BDP1: variants seen among roughly 807,000 people sequenced by gnomAD.
BDP1 encodes transcription factor TFIIIB component B'' homolog.
In BDP1, 169 loss-of-function variants were observed where a neutral mutation model predicts 266.6. The ratio of observed to expected loss-of-function variants is 0.63; its 90% confidence interval spans 0.56 to 0.72. The LOEUF is 0.72. Among genes scored for constraint, BDP1 ranks in the 30% least tolerant of loss-of-function variants. BDP1 has a pLI of 0.00. For missense variants in BDP1, 3,015 were observed against 3,053.8 expected (o/e 0.99, Z 0.30); for synonymous variants, 1,090 against 1,022.4 (o/e 1.07, Z -1.26).
At chr5:71,456,156 A>C in intron 1 of BDP1, 67 bp downstream of exon 1, 1 of 1,467,654 alleles carries the variant, frequency 6.8e-7, no homozygotes, top group Non-Finnish European at 9.3e-7. Context: ...CTGGAAGCTG[A>C]GCAAATGAAT....
rs536688204 is a variant in BDP1, at chr5:71,550,688, G to GTAA, written c.6995+1082_6995+1083insTAA. On this transcript the variant is annotated intron_variant, in intron 34 of 38. Transcript: ENST00000358731. Reference sequence around the variant, plus strand: ...AATTAAGATAATTGTCCATCGTGTAGCATTAGAAATTGAAGACTTTAATAT... The same window carrying GTAA: ...AATTAAGATAATTGTCCATCGTGTAGTAACATTAGAAATTGAAGACTTTAATAT... 5.3e-5 allele frequency among the ~76,000 whole-genome samples: 8 copies of GTAA among 152,222 alleles called. No homozygotes were observed. The South Asian group carries it at 8.3e-4, about 16-fold the overall frequency.
chr5:71,527,631 G>T (rs1765972393), intron 25 of BDP1, among the ~76,000 whole-genome samples: 1 of 152,062 alleles, frequency 6.6e-6, no homozygotes, highest in Admixed American at 6.6e-5. Flanking sequence ...ATTCCATTGT[G>T]TGTGTGTATC....
chr5:71,509,968 C>A lies in BDP1; in HGVS notation c.2876C>A (p.Ala959Glu). Residue 959 changes from alanine to glutamate, a missense_variant, in exon 17 of 39, where the codon GCA becomes GAA. Physicochemically the swap from Ala to Glu is moderately radical, Grantham distance 107. Coordinates refer to ENST00000358731, the MANE Select transcript of BDP1 (RefSeq NM_018429.3). ...GGTGAAGTGGAGACAGATTTGAAAG[C>A]AACTGGAAATGAGAGTTCCCCAAGG... ...PLGEVETDLK[A>E]TGNESSPREK... The A allele has an allele frequency of 6.2e-7, 1 of 1,613,450 alleles. No homozygotes were observed. The highest frequency in any genetic ancestry group is 8.5e-7 in the Non-Finnish European group (1 of 1,179,898).
At chr5:71,505,526 G>T (rs1397579688) in intron 16 of BDP1, among the ~76,000 whole-genome samples, 3 of 152,116 alleles carry the variant, frequency 2.0e-5, no homozygotes, top group Non-Finnish European at 4.4e-5. Flanking sequence ...TACCAAGCCA[G>T]ACTGATGGAA....
chr5:71,507,341 C>T (rs547373317), intron 16 of BDP1, among the ~76,000 whole-genome samples: 8 of 152,200 alleles, frequency 5.3e-5, no homozygotes, highest in Admixed American at 6.5e-5. Context: ...TATCTGATAT[C>T]CAGTCTCAGA....
At chr5:71,554,108 A>G (rs1743055908) in intron 35 of BDP1, among the ~76,000 whole-genome samples, 2 of 152,234 alleles carry the variant, frequency 1.3e-5, no homozygotes, top group African/African-American at 4.8e-5. Flanking sequence ...AGAGAAAGTT[A>G]AAGACCAATA....
Position 71,512,367 on chromosome 5 carries a change from A to G in BDP1, c.4186A>G (p.Thr1396Ala), listed in dbSNP as rs769627644. 3 of 1,598,128 alleles carry G rather than the reference A, an allele frequency of 1.9e-6. No individual in the cohort carries two copies. The highest frequency in any genetic ancestry group is 2.6e-6 in the Non-Finnish European group (3 of 1,175,978). Reference sequence around the variant, plus strand: ...TTCACAGACTCATGAATCTGATAAAACAGAAGTCCAGGGGATTCAATCTCC... The same window carrying G: ...TTCACAGACTCATGAATCTGATAAAGCAGAAGTCCAGGGGATTCAATCTCC... ...ISSQTHESDK[T>A]EVQGIQSPDV... Residue 1396 changes from threonine to alanine, a missense_variant, in exon 18 of 39, where the codon ACA (threonine) becomes GCA (alanine). Physicochemically the swap from Thr to Ala is moderately conservative, Grantham distance 58 (BLOSUM62 0). Around this residue, in one of 3 missense-constraint regions of BDP1, gnomAD observed 2,383 missense variants for 2,404.9 expected, o/e 0.99. Coordinates refer to ENST00000358731, the MANE Select transcript of BDP1 (RefSeq NM_018429.3).
At chr5:71,541,430 TTTG>T in intron 28 of BDP1, 21 bp from the exon 29 acceptor site, 1 of 1,084,662 alleles carries the variant, frequency 9.2e-7, no homozygotes, top group Non-Finnish European at 1.3e-6. Context: ...CCATTTTAAT[TTTG>T]TTTTTTTTTT....
chr5:71,518,887 G>T (rs965394129), intron 22 of BDP1, among the ~76,000 whole-genome samples: 1 of 137,346 alleles, frequency 7.3e-6, no homozygotes, highest in Non-Finnish European at 1.5e-5. Context: ...TGGCTTGATC[G>T]TGGCTCATTG....
Position 71,458,560 on chromosome 5 carries a change from TC to T in BDP1, c.213-18del. 2 of 1,555,324 alleles carry T rather than the reference TC, an allele frequency of 1.3e-6. No homozygotes were observed. The highest frequency in any genetic ancestry group is 1.7e-6 in the Non-Finnish European group (2 of 1,153,192). Reference sequence around the variant, plus strand: ...CAGAAGATTCATGTGCCCTCTTTTTTCTTTTTTAATTTCAACAGTACTGAAA... The same window carrying T: ...CAGAAGATTCATGTGCCCTCTTTTTTTTTTTTAATTTCAACAGTACTGAAA... On this transcript the variant is annotated intron_variant, in intron 1 of 38. Transcript: ENST00000358731.
chr5:71,469,225 A>G (rs1183520574), intron 6 of BDP1, among the ~76,000 whole-genome samples: 2 of 150,726 alleles, frequency 1.3e-5, no homozygotes, highest in African/African-American at 2.4e-5. Context: ...TGCAGCCGCC[A>G]CCTCCTAGGT....
intron 15 of BDP1, among the ~76,000 whole-genome samples, chr5:71,503,132 T>C (rs1284260006): frequency 6.6e-6 from 1 of 151,874 alleles, no homozygotes; most frequent in East Asian, 1.9e-4. Flanking sequence ...GACTGCAGGC[T>C]CACACCACCA....
In BDP1 at chr5:71,511,145, T is replaced by TA; in HGVS notation, c.4054dup (p.Ile1352AsnfsTer5). ...ACTTCAGTGCTGTGCCTTCACTAGA[T>TA]ATTCAGGTATGTATTTTTCTGTCCT... On this transcript the variant is annotated frameshift_variant, in exon 17 of 39. Coordinates refer to ENST00000358731, the MANE Select transcript of BDP1 (RefSeq NM_018429.3). LOFTEE classifies it high-confidence loss of function. The TA allele has an allele frequency of 6.2e-7, 1 of 1,601,140 alleles. No individual in the cohort carries two copies.
At chr5:71,501,772 A>G in intron 14 of BDP1, 119 bp downstream of exon 14, 1 of 663,430 alleles carries the variant, frequency 1.5e-6, no homozygotes. Flanking sequence ...GCATACTTTA[A>G]GTTCGTTTTC....
intron 32 of BDP1, among the ~76,000 whole-genome samples, chr5:71,546,149 C>T (rs558811310): frequency 2.6e-5 from 4 of 152,048 alleles, no homozygotes; most frequent in East Asian, 1.9e-4. Flanking sequence ...TTTAAAGTTA[C>T]GAGATTCCTT....
At chr5:71,573,763 T>A in the BDP1 span, among the ~76,000 whole-genome samples, 9 of 152,134 alleles carry the variant, frequency 5.9e-5, no homozygotes, top group Non-Finnish European at 1.2e-4. Context: ...ACCTGGAATG[T>A]CAAATGGCAC....
intron 34 of BDP1, among the ~76,000 whole-genome samples, chr5:71,550,957 C>T (rs911678102): frequency 5.9e-5 from 9 of 152,080 alleles, no homozygotes; most frequent in South Asian, 2.1e-4. Context: ...ACACCTGCCT[C>T]GGTCTCCCAA....
chr5:71,459,460 C>T (rs567428302), intron 2 of BDP1, among the ~76,000 whole-genome samples: 5 of 152,082 alleles, frequency 3.3e-5, no homozygotes, highest in South Asian at 4.2e-4. Context: ...TGCAGTGAGC[C>T]GAGATTGTGC....
At chr5:71,485,471 C>A (rs750702291) in intron 8 of BDP1, among the ~76,000 whole-genome samples, 1 of 152,142 alleles carries the variant, frequency 6.6e-6, no homozygotes, top group Non-Finnish European at 1.5e-5. Context: ...CAAATGAAGT[C>A]TGGGTCAACA....
Sources: gnomAD v4.1 joint callset for allele counts (sites outside exome capture counted in the v4.1 genomes callset) on GRCh38, gnomAD v4.1.1 for gene constraint, gnomAD v4.1.1 regional missense constraint, MANE v1.5 for transcripts, NCBI Gene and HGNC (gene_info 2026-07-23, HGNC 2026-07-21) for gene names.